The following PHLPP1 variants were observed in gnomAD, a reference collection of about 807,000 sequenced individuals.
The protein encoded by PHLPP1 is PH domain leucine-rich repeat-containing protein phosphatase 1.
PHLPP1 carries 42 observed loss-of-function variants against 117.2 expected under a neutral mutation model. The observed-to-expected ratio is 0.36, with a 90% CI of 0.28 to 0.46. The LOEUF (loss-of-function observed/expected upper bound fraction) is 0.46, where lower values mean the gene tolerates loss of function less well. PHLPP1 is among the 20% of genes least tolerant of loss of function. The pLI is 1.00. For synonymous variants in PHLPP1, 1,042 were observed against 970.7 expected (o/e 1.07, Z -1.37); for missense variants, 2,084 against 2,241.9 (o/e 0.93, Z 1.42).
chr18:62,901,382 A>AT (rs1483940662), intron 6 of PHLPP1, among the ~76,000 whole-genome samples: 1 of 152,206 alleles, frequency 6.6e-6, no homozygotes, highest in Non-Finnish European at 1.5e-5. Flanking sequence ...ACAACCTGGA[A>AT]TAAAAAAAGA....
At chr18:62,776,292 A>G (rs1052144444) in intron 1 of PHLPP1, among the ~76,000 whole-genome samples, 6 of 152,184 alleles carry the variant, frequency 3.9e-5, no homozygotes, top group Admixed American at 6.5e-5. Context: ...CTGGAAATGT[A>G]GACAGGATTT....
chr18:62,751,350 G>GAGGAGTAA (rs1356791190), intron 1 of PHLPP1, among the ~76,000 whole-genome samples: 1 of 152,198 alleles, frequency 6.6e-6, no homozygotes, highest in African/African-American at 2.4e-5. Flanking sequence ...AGTAAAACTT[G>GAGGAGTAA]AAGGTGGCTC....
At chr18:62,766,461 C>A (rs2144258978) in intron 1 of PHLPP1, among the ~76,000 whole-genome samples, 1 of 152,092 alleles carries the variant, frequency 6.6e-6, no homozygotes, top group Admixed American at 6.5e-5. Context: ...TCATTCCTTT[C>A]CTACAGATCT....
intron 4 of PHLPP1, among the ~76,000 whole-genome samples, chr18:62,883,187 CAG>C (rs1194707853): frequency 6.6e-6 from 1 of 152,120 alleles, no homozygotes; most frequent in African/African-American, 2.4e-5. Flanking sequence ...AAATTAAAAA[CAG>C]GGATCCCATA....
intron 2 of PHLPP1, among the ~76,000 whole-genome samples, chr18:62,833,374 A>G (rs1488587312): frequency 6.6e-6 from 1 of 152,190 alleles, no homozygotes; most frequent in Non-Finnish European, 1.5e-5. Context: ...ACGCCTGGCC[A>G]GATAATACTG....
chr18:62,833,521 C>T (rs1042560305), intron 2 of PHLPP1, among the ~76,000 whole-genome samples: 11 of 152,112 alleles, frequency 7.2e-5, no homozygotes, highest in Non-Finnish European at 1.5e-4. Flanking sequence ...ATCTCATTGC[C>T]TCCCCTAGCC....
chr18:62,929,284 C>T (rs1353202784), intron 10 of PHLPP1, among the ~76,000 whole-genome samples: 1 of 152,108 alleles, frequency 6.6e-6, no homozygotes, highest in Non-Finnish European at 1.5e-5. Context: ...TAGGTATACA[C>T]ACACCATAAA....
At chr18:62,827,533 GC>G (rs1354993870) in intron 1 of PHLPP1, among the ~76,000 whole-genome samples, 11 of 152,272 alleles carry the variant, frequency 7.2e-5, no homozygotes, top group Non-Finnish European at 1.0e-4. Flanking sequence ...ATTCCCCAGG[GC>G]CCACTTAGTA....
intron 1 of PHLPP1, among the ~76,000 whole-genome samples, chr18:62,814,379 CAG>C (rs1914206102): frequency 6.6e-6 from 1 of 152,214 alleles, no homozygotes; most frequent in Non-Finnish European, 1.5e-5. Flanking sequence ...AGCTCTGAGA[CAG>C]AATTCCCAGA....
chr18:62,937,817 GC>G (rs1281850514), intron 10 of PHLPP1, among the ~76,000 whole-genome samples: 2 of 152,124 alleles, frequency 1.3e-5, no homozygotes, highest in African/African-American at 4.8e-5. Flanking sequence ...TTCGAGACCA[GC>G]CTGGCCAACA....
intron 10 of PHLPP1, among the ~76,000 whole-genome samples, chr18:62,922,116 T>C (rs967470127): frequency 6.6e-6 from 1 of 151,278 alleles, no homozygotes; most frequent in African/African-American, 2.4e-5. Flanking sequence ...GTTTTGGGTT[T>C]TTTGTTTGTT....
chr18:62,957,564 C>G (rs1009475214), intron 12 of PHLPP1, among the ~76,000 whole-genome samples: 2 of 151,548 alleles, frequency 1.3e-5, no homozygotes, highest in African/African-American at 4.9e-5. Context: ...GTGTTACCTG[C>G]CTTTTCCTCA....
intron 13 of PHLPP1, among the ~76,000 whole-genome samples, chr18:62,962,762 C>A (rs1361874340): frequency 6.0e-5 from 9 of 150,356 alleles, no homozygotes; most frequent in Admixed American, 1.3e-4. Flanking sequence ...TATTAAATAC[C>A]CTTCATTTGC....
intron 1 of PHLPP1, among the ~76,000 whole-genome samples, chr18:62,808,375 G>A (rs1914011576): frequency 6.7e-6 from 1 of 149,672 alleles, no homozygotes; most frequent in South Asian, 2.1e-4. Flanking sequence ...GACTGGGCTG[G>A]AGATAGAAAT....
At chr18:62,825,983 A>G (rs1362099915) in intron 1 of PHLPP1, among the ~76,000 whole-genome samples, 1 of 152,236 alleles carries the variant, frequency 6.6e-6, no homozygotes, top group Admixed American at 6.5e-5. Flanking sequence ...AAATTCGGCT[A>G]TAGGAGAAAT....
rs1316789939 is a variant in PHLPP1 at position 62,979,491 on chromosome 18, C to T, written c.*60C>T. 6.6e-7 allele frequency: 1 copy of T among 1,510,454 alleles called. No individual in the cohort carries two copies. The highest frequency in any genetic ancestry group is 8.9e-7 in the Non-Finnish European group (1 of 1,124,314). 93.6% of individuals were successfully genotyped at this position (1,510,454 alleles called of 1,614,324 possible). A position where few individuals can be genotyped will look rare whatever the true frequency, so the allele number is the denominator to read the frequency against. Reference sequence around the variant, plus strand: ...AAAAGACTGAGTTGCAAGAGTCTCCCAGGCTCACATTAAACCAGGGGTTTT... The same window carrying T: ...AAAAGACTGAGTTGCAAGAGTCTCCTAGGCTCACATTAAACCAGGGGTTTT... On this transcript the variant is annotated 3_prime_UTR_variant, in exon 17 of 17. Transcript: ENST00000262719.
Position 62,903,261 on chromosome 18 carries a change from G to A in PHLPP1, c.2647+95G>A, listed in dbSNP as rs778970314. On this transcript the variant is annotated intron_variant, in intron 7 of 16. Coordinates refer to ENST00000262719, the MANE Select transcript of PHLPP1 (RefSeq NM_194449.4). ...CTTCTGATTATTCTTTGCTCAAGTA[G>A]TTAGTAAAATAGCTCAAATTTTGCT... is the stretch of plus-strand genomic sequence containing the variant. 8 of 856,342 alleles carry A rather than the reference G, an allele frequency of 9.3e-6. No individual in the cohort carries two copies. In the Admixed American group the frequency reaches 1.8e-4, roughly 19 times the overall value. 53.0% of individuals were successfully genotyped at this position (856,342 alleles called of 1,614,324 possible).
chr18:62,809,532 CTA>C (rs1914051670), intron 1 of PHLPP1, among the ~76,000 whole-genome samples: 1 of 152,120 alleles, frequency 6.6e-6, no homozygotes, highest in Non-Finnish European at 1.5e-5. Flanking sequence ...AACCTCATCT[CTA>C]CTAAAAATAC....
intron 10 of PHLPP1, among the ~76,000 whole-genome samples, chr18:62,940,956 A>G (rs964011383): frequency 6.6e-6 from 1 of 152,192 alleles, no homozygotes; most frequent in Non-Finnish European, 1.5e-5. Context: ...ACTACAGAGT[A>G]ATTTTGCCTG....
Sources: allele counts gnomAD v4.1 joint callset (sites outside exome capture counted in the v4.1 genomes callset), GRCh38; gene constraint gnomAD v4.1.1; transcripts MANE v1.5; gene names NCBI Gene and HGNC (gene_info 2026-07-23, HGNC 2026-07-21).